COMMD1: variants seen among roughly 807,000 people sequenced by gnomAD.
The protein encoded by COMMD1 is copper metabolism domain containing 1.
A neutral mutation model predicts 17.2 loss-of-function variants in COMMD1; 10 were observed. That is an observed-to-expected ratio of 0.58 (90% CI 0.36 to 0.99). The LOEUF (loss-of-function observed/expected upper bound fraction) is 0.99, where lower values mean the gene tolerates loss of function less well. Ranked by LOEUF, COMMD1 falls within the 50% of genes least tolerant of loss-of-function variation. The pLI, the probability that COMMD1 is intolerant of heterozygous loss-of-function variation, is 0.01. For synonymous variants in COMMD1, 97 were observed against 91.6 expected, an observed-to-expected ratio of 1.06 and a Z score of -0.34; for missense variants, 270 against 231.8, an observed-to-expected ratio of 1.17 and a Z score of -1.07.
intron 1 of COMMD1, 22 bp from the exon 2 acceptor site, chr2:62,000,678 TG>T: frequency 6.2e-7 from 1 of 1,612,858 alleles, no homozygotes; most frequent in Non-Finnish European, 8.5e-7. Flanking sequence ...TCAAATTTTT[TG>T]CTTTTTCTGT....
intron 1 of COMMD1, among the ~76,000 whole-genome samples, chr2:61,933,125 C>G (rs544644726): frequency 3.3e-5 from 5 of 152,018 alleles, no homozygotes; most frequent in Non-Finnish European, 7.4e-5. Flanking sequence ...GCCCAGCTGT[C>G]TCTGGCTGGG....
At chr2:61,985,885 A>G (rs1356634504) in intron 1 of COMMD1, among the ~76,000 whole-genome samples, 3 of 152,152 alleles carry the variant, frequency 2.0e-5, no homozygotes, top group African/African-American at 2.4e-5. Context: ...TAGTCTTTCT[A>G]CTCACAATAT....
At chr2:62,011,946 C>T (rs1669289637) in intron 2 of COMMD1, among the ~76,000 whole-genome samples, 1 of 152,120 alleles carries the variant, frequency 6.6e-6, no homozygotes, top group Non-Finnish European at 1.5e-5. Flanking sequence ...CATATCTTTG[C>T]ATTTAATGCA....
At chr2:62,026,197 C>T (rs1279117522) in intron 2 of COMMD1, among the ~76,000 whole-genome samples, 2 of 152,104 alleles carry the variant, frequency 1.3e-5, no homozygotes, top group Non-Finnish European at 2.9e-5. Flanking sequence ...TAAAGAAATA[C>T]CTGAGACTGG....
At chr2:61,958,342 C>A (rs774494472) in intron 1 of COMMD1, among the ~76,000 whole-genome samples, 1 of 151,690 alleles carries the variant, frequency 6.6e-6, no homozygotes, top group Non-Finnish European at 1.5e-5. Flanking sequence ...TCTCAGCTCA[C>A]CACAACCTCT....
chr2:61,920,868 T>C (rs1670171065), intron 1 of COMMD1, among the ~76,000 whole-genome samples: 1 of 151,010 alleles, frequency 6.6e-6, no homozygotes, highest in Non-Finnish European at 1.5e-5. Context: ...ATCCTGGAGG[T>C]ATATATGTTT....
rs533970006 is a variant in COMMD1 at position 62,039,572 on chromosome 2, T to C, written c.462+38590T>C. Among the ~76,000 whole-genome samples, 124 of 152,300 alleles carry C rather than the reference T, an allele frequency of 8.1e-4. 2 individuals carry two copies. Among genetic ancestry groups the C allele is most frequent in the African/African-American group, 2.7e-3 (111 of 41,556 alleles). On this transcript the variant is annotated intron_variant, in intron 2 of 2. Coordinates refer to ENST00000311832, the MANE Select transcript of COMMD1 (RefSeq NM_152516.4). ...CTGCTCTTGCATCATACCACCATGG[T>C]TGGATAGCCCAAGTTGCAATTTCAA...
At chr2:62,026,882 A>T (rs941990896) in intron 2 of COMMD1, among the ~76,000 whole-genome samples, 2 of 152,350 alleles carry the variant, frequency 1.3e-5, no homozygotes, top group East Asian at 3.9e-4. Flanking sequence ...GTATATGTGT[A>T]TTCAGTCTTT....
At chr2:62,100,633 G>T (rs1387403870) in intron 2 of COMMD1, among the ~76,000 whole-genome samples, 1 of 152,190 alleles carries the variant, frequency 6.6e-6, no homozygotes, top group Admixed American at 6.5e-5. Context: ...AATTGGTTGA[G>T]TTTATCTAAG....
intron 2 of COMMD1, among the ~76,000 whole-genome samples, chr2:62,095,949 G>A (rs1484079014): frequency 1.3e-5 from 2 of 148,784 alleles, no homozygotes; most frequent in African/African-American, 5.0e-5. Context: ...ATATGTGTGT[G>A]TATATAAAAA....
chr2:62,130,212 A>C (rs1280439904), intron 2 of COMMD1, among the ~76,000 whole-genome samples: 3 of 151,228 alleles, frequency 2.0e-5, no homozygotes, highest in Non-Finnish European at 4.4e-5. Flanking sequence ...TCAACAAATG[A>C]AATTAAAAGA....
chr2:61,899,030 C>T (rs568487280), intron 1 of COMMD1, among the ~76,000 whole-genome samples: 5 of 152,272 alleles, frequency 3.3e-5, no homozygotes, highest in African/African-American at 1.2e-4. Flanking sequence ...TATGTTATTG[C>T]TCACTCTGAT....
intron 2 of COMMD1, among the ~76,000 whole-genome samples, chr2:62,110,394 G>T (rs1407950460): frequency 6.6e-6 from 1 of 152,166 alleles, no homozygotes; most frequent in African/African-American, 2.4e-5. Context: ...ATTATTTAAA[G>T]CTGAATCCCC....
chr2:61,933,420 A>G (rs1670521408), intron 1 of COMMD1, among the ~76,000 whole-genome samples: 1 of 151,870 alleles, frequency 6.6e-6, no homozygotes, highest in African/African-American at 2.4e-5. Context: ...CAAAAAGTCA[A>G]CATTTGGGCA....
intron 2 of COMMD1, among the ~76,000 whole-genome samples, chr2:62,028,394 T>C (rs1224094763): frequency 3.3e-5 from 5 of 151,770 alleles, no homozygotes; most frequent in African/African-American, 1.2e-4. Context: ...CAAAACATTA[T>C]TTTTTAAAAA....
At chr2:62,074,883 GTT>G (rs570489051) in intron 2 of COMMD1, among the ~76,000 whole-genome samples, 1,524 of 110,518 alleles carry the variant, frequency 0.014, 24 homozygotes, top group African/African-American at 0.051. Flanking sequence ...TGTTTGTGTG[GTT>G]TTTTTTTTTT....
At chr2:61,995,612 A>G (rs1266185069) in intron 1 of COMMD1, among the ~76,000 whole-genome samples, 1 of 152,188 alleles carries the variant, frequency 6.6e-6, no homozygotes, top group Non-Finnish European at 1.5e-5. Flanking sequence ...AGAATGTACC[A>G]GTTTACATTT....
intron 2 of COMMD1, among the ~76,000 whole-genome samples, chr2:62,104,267 G>A (rs1431756353): frequency 6.6e-6 from 1 of 152,186 alleles, no homozygotes; most frequent in Non-Finnish European, 1.5e-5. Flanking sequence ...CCAAGGCAGA[G>A]GATCACTTGA....
intron 1 of COMMD1, among the ~76,000 whole-genome samples, chr2:61,985,409 T>A (rs2103764462): frequency 6.6e-6 from 1 of 152,242 alleles, no homozygotes; most frequent in East Asian, 1.9e-4. Flanking sequence ...TTGGATCTTG[T>A]TTTTTTATCC....
Sources: gnomAD v4.1 joint callset for allele counts (sites outside exome capture counted in the v4.1 genomes callset) on GRCh38, gnomAD v4.1.1 for gene constraint, MANE v1.5 for transcripts, NCBI Gene and HGNC (gene_info 2026-07-23, HGNC 2026-07-21) for gene names.